The following LRMDA variants were observed in gnomAD, a reference collection of about 807,000 sequenced individuals.
The protein encoded by LRMDA is leucine-rich melanocyte differentiation-associated protein.
LRMDA carries 18 observed loss-of-function variants against 29.8 expected under a neutral mutation model. That is an observed-to-expected ratio of 0.60 (90% CI 0.42 to 0.90). The LOEUF (loss-of-function observed/expected upper bound fraction) is 0.90, where lower values mean the gene tolerates loss of function less well. Ranked by LOEUF, LRMDA falls within the 40% of genes least tolerant of loss-of-function variation. The pLI is 0.00. For missense variants in LRMDA, 273 were observed against 273.9 expected (o/e 1.00, Z 0.02); for synonymous variants, 125 against 109.4 (o/e 1.14, Z -0.89).
At chr10:75,557,632 G>A (rs1840231465) in intron 2 of LRMDA, among the ~76,000 whole-genome samples, 1 of 152,172 alleles carries the variant, frequency 6.6e-6, no homozygotes, top group African/African-American at 2.4e-5. Context: ...ATAGTTTTCA[G>A]TGAGAGCCAC....
intron 2 of LRMDA, among the ~76,000 whole-genome samples, chr10:75,476,698 T>C (rs941135297): frequency 6.6e-6 from 1 of 152,184 alleles, no homozygotes; most frequent in Non-Finnish European, 1.5e-5. Flanking sequence ...ACTGACTCAG[T>C]GTGTCTTGTG....
intron 2 of LRMDA, among the ~76,000 whole-genome samples, chr10:75,714,659 C>A (rs1842476538): frequency 6.6e-6 from 1 of 152,164 alleles, no homozygotes; most frequent in South Asian, 2.1e-4. Flanking sequence ...TGCTGTTGGG[C>A]ATTTAGGCTA....
intron 6 of LRMDA, among the ~76,000 whole-genome samples, chr10:76,344,909 A>G (rs1400036692): frequency 6.6e-6 from 1 of 151,778 alleles, no homozygotes; most frequent in African/African-American, 2.4e-5. Flanking sequence ...AGTGAAAAAA[A>G]AAAAGAAATC....
chr10:75,518,349 G>C (rs1473578529), intron 2 of LRMDA, among the ~76,000 whole-genome samples: 1 of 152,104 alleles, frequency 6.6e-6, no homozygotes, highest in Non-Finnish European at 1.5e-5. Context: ...TTTTTGGTTG[G>C]TAGGCTGTTA....
intron 6 of LRMDA, among the ~76,000 whole-genome samples, chr10:76,436,748 A>G (rs1842248973): frequency 6.6e-6 from 1 of 152,188 alleles, no homozygotes; most frequent in African/African-American, 2.4e-5. Context: ...ATCTTTAGCC[A>G]TGGAATGCTG....
intron 5 of LRMDA, among the ~76,000 whole-genome samples, chr10:76,064,355 G>A (rs1848750182): frequency 6.6e-6 from 1 of 152,120 alleles, no homozygotes; most frequent in African/African-American, 2.4e-5. Flanking sequence ...ACTCGGGGTG[G>A]TACTGGAGTC....
chr10:76,145,485 T>C (rs1345392213), intron 5 of LRMDA, among the ~76,000 whole-genome samples: 1 of 152,198 alleles, frequency 6.6e-6, no homozygotes, highest in African/African-American at 2.4e-5. Context: ...CGTAGAGGTG[T>C]TTATAGTATT....
chr10:76,324,518 G>A, intron 6 of LRMDA, 33 bp downstream of exon 6: 1 of 1,588,504 alleles, frequency 6.3e-7, no homozygotes, highest in Non-Finnish European at 8.6e-7. Context: ...CTCTCAGTGG[G>A]TGCAGGGAGG....
At position 75,608,129 on chromosome 10, in the gene LRMDA, T is replaced by TATATATACAC. The variant is rs11271217; in HGVS notation, c.131+169636_131+169637insTATATACACA. Among the ~76,000 whole-genome samples, 178 of 89,584 alleles carry TATATATACAC rather than the reference T, an allele frequency of 2.0e-3. 4 individuals are homozygous for TATATATACAC. The highest frequency in any genetic ancestry group is 3.4e-3 in the Non-Finnish European group (126 of 37,000). The allele number at this position is 89,584 out of a possible 152,430, so 58.8% of individuals were successfully genotyped here. On this transcript the variant is annotated intron_variant, in intron 2 of 6. Transcript: ENST00000611255. ...GTGTGTGTATATATATATATATATA[T>TATATATACAC]ACACACACATACACAAAGCAATATT...
chr10:75,446,235 C>T (rs1844394205), intron 2 of LRMDA, among the ~76,000 whole-genome samples: 1 of 152,204 alleles, frequency 6.6e-6, no homozygotes, highest in Admixed American at 6.5e-5. Flanking sequence ...GGCTTGAAAC[C>T]CTGCTTCTGT....
chr10:76,184,909 A>T (rs1442409239), intron 5 of LRMDA, among the ~76,000 whole-genome samples: 1 of 152,202 alleles, frequency 6.6e-6, no homozygotes, highest in Non-Finnish European at 1.5e-5. Flanking sequence ...GCAACTTGTC[A>T]TAAGAAATGG....
intron 2 of LRMDA, among the ~76,000 whole-genome samples, chr10:75,442,899 T>G (rs1451313655): frequency 3.3e-5 from 5 of 152,176 alleles, no homozygotes; most frequent in African/African-American, 1.2e-4. Flanking sequence ...TTTGTAGTTT[T>G]CATTGTACAG....
intron 2 of LRMDA, among the ~76,000 whole-genome samples, chr10:75,934,287 C>T (rs1008504792): frequency 7.9e-5 from 12 of 152,062 alleles, no homozygotes; most frequent in African/African-American, 1.9e-4. Flanking sequence ...ATGGACCTTT[C>T]GGTTTTCTGG....
At chr10:75,641,632 G>C (rs964411729) in intron 2 of LRMDA, among the ~76,000 whole-genome samples, 2 of 151,998 alleles carry the variant, frequency 1.3e-5, no homozygotes, top group African/African-American at 4.8e-5. Context: ...TGGAGACGGG[G>C]TTTTGTCATG....
chr10:75,810,688 T>C (rs754339793), intron 2 of LRMDA, among the ~76,000 whole-genome samples: 22 of 152,188 alleles, frequency 1.4e-4, no homozygotes, highest in Non-Finnish European at 2.9e-4. Flanking sequence ...GCTTTGGTGG[T>C]GGCAGCTATG....
chr10:75,947,293 T>G (rs780432725), intron 2 of LRMDA, among the ~76,000 whole-genome samples: 3 of 152,076 alleles, frequency 2.0e-5, no homozygotes, highest in Non-Finnish European at 4.4e-5. Flanking sequence ...GAGTGTTGAT[T>G]TGGGGGATGA....
intron 2 of LRMDA, among the ~76,000 whole-genome samples, chr10:75,522,707 T>A (rs1845374295): frequency 6.6e-6 from 1 of 152,216 alleles, no homozygotes; most frequent in South Asian, 2.1e-4. Flanking sequence ...TCTATTGCCT[T>A]GGGGCTGAGC....
At chr10:76,407,143 A>C (rs984140248) in intron 6 of LRMDA, among the ~76,000 whole-genome samples, 1 of 152,188 alleles carries the variant, frequency 6.6e-6, no homozygotes, top group African/African-American at 2.4e-5. Flanking sequence ...TGAAGGGTGC[A>C]CAGAACAGGG....
intron 5 of LRMDA, among the ~76,000 whole-genome samples, chr10:76,210,083 G>A (rs1826760809): frequency 6.6e-6 from 1 of 152,178 alleles, no homozygotes; most frequent in Non-Finnish European, 1.5e-5. Context: ...AATGAGACAG[G>A]CAGATCCGAG....
Sources: gnomAD v4.1 joint callset for allele counts (sites outside exome capture counted in the v4.1 genomes callset) on GRCh38, gnomAD v4.1.1 for gene constraint, MANE v1.5 for transcripts, NCBI Gene and HGNC (gene_info 2026-07-23, HGNC 2026-07-21) for gene names.